Variants in GABRR3 observed in about 807,000 individuals in gnomAD.
GABRR3 encodes the protein gamma-aminobutyric acid type A receptor subunit rho3, also known as gamma-aminobutyric acid receptor subunit rho-3.
A neutral mutation model predicts 43.2 loss-of-function variants in GABRR3; 29 were observed. That is an observed-to-expected ratio of 0.67 (90% CI 0.50 to 0.92). GABRR3 has a LOEUF of 0.92. GABRR3 is among the 40% of genes least tolerant of loss of function. The pLI is 0.00. For synonymous variants in GABRR3, 206 were observed against 195.9 expected (o/e 1.05, Z -0.43); for missense variants, 576 against 572.3 (o/e 1.01, Z -0.07).
downstream of GABRR3, among the ~76,000 whole-genome samples, chr3:97,985,686 T>C (rs1706375707): frequency 6.6e-6 from 1 of 152,110 alleles, no homozygotes; most frequent in African/African-American, 2.4e-5. Flanking sequence ...AGTGATTAAT[T>C]AAAAACCTCT....
In GABRR3 at chr3:98,007,745, C is replaced by T. The variant is rs1485878740; in HGVS notation, c.754+19G>A. ...ATGTCCAATAAATGCTGATGAATCA[C>T]CCATGTAAAATGCTGTACCTGTGCT... On this transcript the variant is annotated intron_variant, in intron 7 of 9. Coordinates refer to ENST00000621172, the Ensembl canonical transcript of GABRR3. 2.5e-6 allele frequency: 4 copies of T among 1,612,626 alleles called. No individual in the cohort carries two copies. In the African/African-American group the frequency reaches 5.3e-5, roughly 22 times the overall value.
chr3:97,994,892 A>G (rs1159119958), intron 8 of GABRR3, among the ~76,000 whole-genome samples: 1 of 152,230 alleles, frequency 6.6e-6, no homozygotes, highest in Non-Finnish European at 1.5e-5. Context: ...TCAGTATGCC[A>G]ATGTCTTACT....
exon 7 of GABRR3, chr3:98,007,805 T>C: frequency 6.2e-7 from 1 of 1,613,362 alleles, no homozygotes; most frequent in Non-Finnish European, 8.5e-7. Flanking sequence ...TGCACTGAAG[T>C]CTTCAATGAA....
At chr3:98,033,543 T>C (rs977766602) in intron 2 of GABRR3, among the ~76,000 whole-genome samples, 1 of 152,158 alleles carries the variant, frequency 6.6e-6, no homozygotes, top group Non-Finnish European at 1.5e-5. Context: ...TGTGATGAAT[T>C]AGCTACTATA....
chr3:98,006,159 A>G (rs994750787), intron 7 of GABRR3, among the ~76,000 whole-genome samples: 4 of 152,102 alleles, frequency 2.6e-5, no homozygotes, highest in African/African-American at 9.6e-5. Flanking sequence ...AAATAATAAT[A>G]TAGTTTATCT....
At chr3:98,010,687 C>A (rs1371421775) in intron 5 of GABRR3, among the ~76,000 whole-genome samples, 1 of 152,148 alleles carries the variant, frequency 6.6e-6, no homozygotes. Flanking sequence ...TACTGGACCT[C>A]CCCCCACCAA....
At chr3:98,022,834 C>T (rs1400099761) in intron 3 of GABRR3, among the ~76,000 whole-genome samples, 3 of 152,020 alleles carry the variant, frequency 2.0e-5, no homozygotes, top group African/African-American at 4.8e-5. Context: ...TACGAAGTCG[C>T]CTCGGGAAAG....
intron 3 of GABRR3, among the ~76,000 whole-genome samples, chr3:98,019,604 GAGAC>G (rs1173837433): frequency 6.8e-6 from 1 of 146,040 alleles, no homozygotes; most frequent in African/African-American, 2.5e-5. Flanking sequence ...TTTTTTTTTT[GAGAC>G]AGAGTTTCAC....
At chr3:97,996,958 T>A (rs1267935199) in intron 8 of GABRR3, among the ~76,000 whole-genome samples, 1 of 152,156 alleles carries the variant, frequency 6.6e-6, no homozygotes, top group Non-Finnish European at 1.5e-5. Flanking sequence ...CACTGGCAAC[T>A]TAACAACTAC....
Position 98,006,776 on chromosome 3 carries a change from T to A in GABRR3, c.754+988A>T, listed in dbSNP as rs190525675. On this transcript the variant is annotated intron_variant, in intron 7 of 9. Coordinates refer to ENST00000621172, the Ensembl canonical transcript of GABRR3. ...CCAGAAGGGGAATGATAGTGGAGGG[T>A]GAGGAGGGCAGAGGGGAACCGAAGG... is the stretch of plus-strand genomic sequence containing the variant. 2.5e-3 allele frequency among the ~76,000 whole-genome samples: 374 copies of A among 152,014 alleles called. 1 individual carries two copies. The highest frequency in any genetic ancestry group is 8.2e-3 in the African/African-American group (341 of 41,464).
chr3:98,033,845 G>A (rs1707120757), intron 2 of GABRR3, among the ~76,000 whole-genome samples: 1 of 152,158 alleles, frequency 6.6e-6, no homozygotes, highest in South Asian at 2.1e-4. Flanking sequence ...GGAAGTGTGA[G>A]CAGTAGTCCC....
chr3:97,997,092 A>C (rs1313611293), intron 8 of GABRR3, among the ~76,000 whole-genome samples: 3 of 152,190 alleles, frequency 2.0e-5, no homozygotes, highest in Non-Finnish European at 2.9e-5. Flanking sequence ...AGGTCAAAAG[A>C]TAAGCCACTC....
chr3:97,989,355 G>A (rs1033131994), intron 9 of GABRR3, among the ~76,000 whole-genome samples: 1 of 151,004 alleles, frequency 6.6e-6, no homozygotes, highest in Admixed American at 6.6e-5. Flanking sequence ...GGGTGAGTGG[G>A]TGGTGTGTGG....
At chr3:98,010,976 T>C (rs1268449248) in intron 5 of GABRR3, among the ~76,000 whole-genome samples, 1 of 152,128 alleles carries the variant, frequency 6.6e-6, no homozygotes, top group Non-Finnish European at 1.5e-5. Flanking sequence ...GGCAGGCACC[T>C]GTGACCCCAG....
At chr3:98,008,836 A>C (rs905916756) in intron 6 of GABRR3, 120 bp downstream of exon 6, 11 of 344,702 alleles carry the variant, frequency 3.2e-5, no homozygotes, top group Admixed American at 2.5e-4. Flanking sequence ...CAATTGTTTC[A>C]GTTTTGGATA....
chr3:98,011,520 T>C (rs955971686), intron 5 of GABRR3, among the ~76,000 whole-genome samples: 1 of 152,252 alleles, frequency 6.6e-6, no homozygotes, highest in Non-Finnish European at 1.5e-5. Flanking sequence ...ATTATAAGCA[T>C]ACTTTTGATT....
At chr3:98,009,020 C>T (rs370828175) in exon 6 of GABRR3, 86 of 1,606,394 alleles carry the variant, frequency 5.4e-5, no homozygotes, top group Non-Finnish European at 7.3e-5. Context: ...CCATAAAGCA[C>T]ATGGCCGAAA....
chr3:98,025,532 G>T, intron 3 of GABRR3, 35 bp downstream of exon 3: 2 of 1,417,302 alleles, frequency 1.4e-6, no homozygotes, highest in East Asian at 2.3e-5. Flanking sequence ...CAGTGCAATG[G>T]GTTTTGAAAT....
chr3:98,001,470 G>T (rs1706640454), intron 8 of GABRR3, 145 bp downstream of exon 8: 2 of 834,528 alleles, frequency 2.4e-6, no homozygotes, highest in Non-Finnish European at 3.7e-6. Flanking sequence ...AGGATGTCAA[G>T]ATCGATACTG....
Sources: allele counts gnomAD v4.1 joint callset (sites outside exome capture counted in the v4.1 genomes callset), GRCh38; gene constraint gnomAD v4.1.1; transcripts MANE v1.5; gene names NCBI Gene and HGNC (gene_info 2026-07-23, HGNC 2026-07-21).